Variants in ASTN1 observed in about 807,000 individuals in gnomAD.
ASTN1 encodes astrotactin-1.
Under a neutral mutation model 140.7 loss-of-function variants are expected in ASTN1, and 41 were observed. That is an observed-to-expected ratio of 0.29 (90% CI 0.23 to 0.38). The LOEUF is 0.38. ASTN1 is among the 10% of genes least tolerant of loss of function. The pLI is 1.00. For missense variants in ASTN1, 1,479 were observed against 1,678.8 expected (o/e 0.88, Z 2.08); for synonymous variants, 640 against 652.2 (o/e 0.98, Z 0.29).
intron 9 of ASTN1, 76 bp from the exon 10 acceptor site, chr1:176,958,558 T>C: frequency 6.8e-7 from 1 of 1,471,674 alleles, no homozygotes; most frequent in South Asian, 1.4e-5. Flanking sequence ...AGCATTCCAT[T>C]ACCAGTGCTT....
chr1:177,101,712 T>C (rs1028507354), intron 1 of ASTN1, among the ~76,000 whole-genome samples: 1 of 152,138 alleles, frequency 6.6e-6, no homozygotes, highest in Non-Finnish European at 1.5e-5. Flanking sequence ...TTTAAAAAAA[T>C]TGGAAGCCCT....
chr1:177,079,553 CT>C (rs1679079512), intron 1 of ASTN1, among the ~76,000 whole-genome samples: 1 of 152,084 alleles, frequency 6.6e-6, no homozygotes, highest in African/African-American at 2.4e-5. Flanking sequence ...GACTGCCATC[CT>C]TTTCCCATTG....
At chr1:177,161,255 C>T (rs1024558115) in intron 1 of ASTN1, among the ~76,000 whole-genome samples, 1 of 152,192 alleles carries the variant, frequency 6.6e-6, no homozygotes, top group Admixed American at 6.5e-5. Flanking sequence ...GCCCAGTCCC[C>T]ACTACTGTCA....
chr1:177,108,575 T>C (rs1288763593), intron 1 of ASTN1, among the ~76,000 whole-genome samples: 2 of 152,088 alleles, frequency 1.3e-5, no homozygotes, highest in Middle Eastern at 3.2e-3. Flanking sequence ...GTATACCCAC[T>C]CCCTGCCCCA....
intron 16 of ASTN1, among the ~76,000 whole-genome samples, chr1:176,923,161 T>C (rs1280844021): frequency 6.6e-6 from 1 of 152,192 alleles, no homozygotes; most frequent in Non-Finnish European, 1.5e-5. Context: ...ACTACTTCCA[T>C]TGCAATATCA....
Position 176,910,442 on chromosome 1 carries a change from C to T in ASTN1, c.2672-15612G>A, listed in dbSNP as rs370200884. Reference sequence around the variant, plus strand: ...GAGCAAATACAAAGTTATTGAATGTCCACTCACAAGATACGATGCTGGTCT... The same window carrying T: ...GAGCAAATACAAAGTTATTGAATGTTCACTCACAAGATACGATGCTGGTCT... On this transcript the variant is annotated intron_variant, in intron 16 of 22. Coordinates refer to ENST00000361833, the MANE Select transcript of ASTN1 (RefSeq NM_004319.3). Among the ~76,000 whole-genome samples the T allele has an allele frequency of 3.3e-3, 503 of 152,236 alleles. 27 individuals are homozygous for T. The South Asian group carries it at 0.1, about 31-fold the overall frequency.
At chr1:177,003,205 C>A (rs1674820472) in intron 8 of ASTN1, among the ~76,000 whole-genome samples, 1 of 151,742 alleles carries the variant, frequency 6.6e-6, no homozygotes, top group African/African-American at 2.4e-5. Context: ...AAACTGCAGA[C>A]CGATATCCTT....
intron 10 of ASTN1, 91 bp from the exon 11 acceptor site, chr1:176,957,919 C>T: frequency 1.4e-6 from 2 of 1,420,812 alleles, no homozygotes; most frequent in Non-Finnish European, 1.9e-6. Context: ...ATCTAGTCAA[C>T]TGAATTGTGT....
intron 1 of ASTN1, among the ~76,000 whole-genome samples, chr1:177,082,204 T>C (rs1389591415): frequency 6.6e-6 from 1 of 152,184 alleles, no homozygotes; most frequent in Non-Finnish European, 1.5e-5. Context: ...GAAGCCATGG[T>C]CATGGGGATG....
chr1:177,080,407 G>A (rs539088867), intron 1 of ASTN1, among the ~76,000 whole-genome samples: 2 of 152,112 alleles, frequency 1.3e-5, no homozygotes, highest in African/African-American at 4.8e-5. Context: ...CTAGTTTCTT[G>A]TAGAAGTAAG....
intron 8 of ASTN1, among the ~76,000 whole-genome samples, chr1:176,983,592 T>C (rs1673732806): frequency 6.6e-6 from 1 of 152,186 alleles, no homozygotes; most frequent in Non-Finnish European, 1.5e-5. Flanking sequence ...TTATCTTTCC[T>C]AGGGAAAATA....
At chr1:177,074,723 G>A (rs374922831) in intron 1 of ASTN1, among the ~76,000 whole-genome samples, 5 of 152,176 alleles carry the variant, frequency 3.3e-5, no homozygotes, top group African/African-American at 4.8e-5. Flanking sequence ...CATGATGCAC[G>A]TATGTGTTTT....
At chr1:177,098,835 G>A (rs530536604) in intron 1 of ASTN1, among the ~76,000 whole-genome samples, 8 of 152,232 alleles carry the variant, frequency 5.3e-5, no homozygotes, top group Admixed American at 2.0e-4. Context: ...GTGACTTGTC[G>A]CTAACTGACG....
chr1:176,955,803 C>T (rs184993482), intron 11 of ASTN1, among the ~76,000 whole-genome samples: 2 of 152,214 alleles, frequency 1.3e-5, no homozygotes, highest in Admixed American at 1.3e-4. Flanking sequence ...GAGAGCCTAA[C>T]CCTGTGTTTG....
At chr1:177,106,867 G>A (rs1485626602) in intron 1 of ASTN1, among the ~76,000 whole-genome samples, 1 of 152,156 alleles carries the variant, frequency 6.6e-6, no homozygotes, top group Admixed American at 6.5e-5. Flanking sequence ...CCCAAGTCCA[G>A]GAAAAAGAGC....
chr1:176,935,984 C>T (rs1006798965), intron 15 of ASTN1: 1 of 480,516 alleles, frequency 2.1e-6, no homozygotes, highest in Non-Finnish European at 3.8e-6. Context: ...TCTCCACATA[C>T]TGGATGAGCC....
rs7513341 is a variant in ASTN1 at position 176,863,009 on chromosome 1, T to A, written c.*1275A>T. The stretch of plus-strand genomic sequence containing the variant: ...AAGGCCATTGCTAGTCAACAGGGCC[T>A]TGCCAGGCTCTTTCTGAAAGGCTGG... On this transcript the variant is annotated 3_prime_UTR_variant, in exon 23 of 23. Transcript: ENST00000361833. 2.7e-5 allele frequency: 27 copies of A among 985,190 alleles called. No individual in the cohort carries two copies. In the African/African-American group the frequency reaches 4.4e-4, roughly 16 times the overall value. The allele number at this position is 985,190 out of a possible 1,614,324, so 61.0% of individuals were successfully genotyped here.
Position 177,011,562 on chromosome 1 carries a change from T to TAC in ASTN1, c.1523+3227_1523+3228dup, listed in dbSNP as rs140111635. On this transcript the variant is annotated intron_variant, in intron 8 of 22. Coordinates refer to ENST00000361833, the MANE Select transcript of ASTN1 (RefSeq NM_004319.3). ...ACAAACTGGCTTCCTGTCATGCACA[T>TAC]ACACACACACACACACACAAACACA... is the stretch of plus-strand genomic sequence containing the variant. Among the ~76,000 whole-genome samples the TAC allele has an allele frequency of 2.7e-3, 402 of 148,074 alleles. 2 individuals are homozygous for TAC. Among genetic ancestry groups the TAC allele is most frequent in the Middle Eastern group, 0.014 (4 of 284 alleles).
chr1:177,003,167 C>G (rs1674817301), intron 8 of ASTN1, among the ~76,000 whole-genome samples: 1 of 151,814 alleles, frequency 6.6e-6, no homozygotes. Context: ...ATGCCAAAGC[C>G]AGGAAGGGAC....
Sources: gnomAD v4.1 joint callset for allele counts (sites outside exome capture counted in the v4.1 genomes callset) on GRCh38, gnomAD v4.1.1 for gene constraint, MANE v1.5 for transcripts, NCBI Gene and HGNC (gene_info 2026-07-23, HGNC 2026-07-21) for gene names.